The following SPON1 variants were observed in gnomAD, a reference collection of about 807,000 sequenced individuals.
SPON1 encodes the protein spondin-1.
Under a neutral mutation model 111.7 loss-of-function variants are expected in SPON1, and 52 were observed. The observed-to-expected ratio is 0.47, with a 90% CI of 0.37 to 0.59. The LOEUF is 0.59. SPON1 is among the 20% of genes least tolerant of loss of function. The pLI is 0.00. For missense variants in SPON1, 957 were observed against 1,068.5 expected (o/e 0.90, Z 1.46); for synonymous variants, 410 against 395.8 (o/e 1.04, Z -0.43).
At position 14,113,568 on chromosome 11, in the gene SPON1, ATTT is replaced by A. The variant is rs782780924; in HGVS notation, c.677-21802_677-21800del. 3.7e-4 allele frequency among the ~76,000 whole-genome samples: 28 copies of A among 74,734 alleles called. 3 individuals carry two copies. Among genetic ancestry groups the A allele is most frequent in the African/African-American group, 1.4e-3 (27 of 18,774 alleles). 49.0% of individuals were successfully genotyped at this position (74,734 alleles called of 152,430 possible). A position where few individuals can be genotyped will look rare whatever the true frequency, so the allele number is the denominator to read the frequency against. ...AAGTCACCTCCTATGTACTTTTTAAATTTTTTTTTTTTTTTTTTTTTTTTTTTT... is the reference window on the plus strand; with the variant it reads ...AAGTCACCTCCTATGTACTTTTTAAATTTTTTTTTTTTTTTTTTTTTTTTT... On this transcript the variant is annotated intron_variant, in intron 5 of 15. Coordinates refer to ENST00000576479, the MANE Select transcript of SPON1 (RefSeq NM_006108.4).
chr11:14,012,789 G>A (rs1848415977), intron 2 of SPON1, among the ~76,000 whole-genome samples: 1 of 151,978 alleles, frequency 6.6e-6, no homozygotes, highest in Non-Finnish European at 1.5e-5. Flanking sequence ...GTCCTTTGAG[G>A]ACAAAGCATG....
At chr11:14,023,938 G>T (rs1554915001) in intron 2 of SPON1, among the ~76,000 whole-genome samples, 1 of 151,502 alleles carries the variant, frequency 6.6e-6, no homozygotes. Flanking sequence ...GGAGGCCGAG[G>T]TTGGAGTGAG....
intron 3 of SPON1, among the ~76,000 whole-genome samples, chr11:14,052,231 G>A (rs1226507651): frequency 6.6e-6 from 1 of 152,234 alleles, no homozygotes; most frequent in African/African-American, 2.4e-5. Context: ...TTGTTAGTGG[G>A]AAGAGAGGAT....
At chr11:14,076,685 T>C (rs1471463295) in intron 4 of SPON1, among the ~76,000 whole-genome samples, 2 of 152,212 alleles carry the variant, frequency 1.3e-5, no homozygotes, top group African/African-American at 4.8e-5. Context: ...GTTCTTATCA[T>C]TGCCTTTGAC....
In SPON1 at chr11:14,033,607, G is replaced by A. The variant is rs542148346; in HGVS notation, c.346-7914G>A. The stretch of plus-strand genomic sequence containing the variant: ...CCTCAGAGTAAAGATGGGTCATGAT[G>A]TAGGTTTCAAAATGGGTATGGCATG... On this transcript the variant is annotated intron_variant, in intron 2 of 15. Transcript: ENST00000576479. 1.3e-4 allele frequency among the ~76,000 whole-genome samples: 20 copies of A among 152,314 alleles called. 1 individual carries two copies. In the South Asian group the frequency reaches 1.5e-3, roughly 11 times the overall value.
intron 6 of SPON1, among the ~76,000 whole-genome samples, chr11:14,183,807 T>C (rs1848259675): frequency 6.6e-6 from 1 of 152,160 alleles, no homozygotes; most frequent in South Asian, 2.1e-4. Flanking sequence ...CCCCTTCTCT[T>C]AGCTCCTCTG....
intron 5 of SPON1, among the ~76,000 whole-genome samples, chr11:14,085,134 A>G (rs1476896804): frequency 1.3e-5 from 2 of 152,040 alleles, no homozygotes; most frequent in African/African-American, 4.8e-5. Context: ...GCTGTGATGA[A>G]GCTCTTTAGT....
intron 1 of SPON1, among the ~76,000 whole-genome samples, chr11:13,979,117 A>G (rs1848124763): frequency 6.6e-6 from 1 of 152,180 alleles, no homozygotes; most frequent in Non-Finnish European, 1.5e-5. Context: ...AAGGTATCCG[A>G]CGGTGTTTTC....
At chr11:14,001,230 T>A (rs889961913) in intron 2 of SPON1, among the ~76,000 whole-genome samples, 2 of 152,188 alleles carry the variant, frequency 1.3e-5, no homozygotes, top group East Asian at 3.9e-4. Context: ...AGCTACAGGC[T>A]GAGTGTAGAC....
chr11:14,223,172 C>T (rs1848699816), intron 6 of SPON1, among the ~76,000 whole-genome samples: 1 of 152,180 alleles, frequency 6.6e-6, no homozygotes, highest in Non-Finnish European at 1.5e-5. Flanking sequence ...CGAGACCAGC[C>T]TGCCCAACAT....
intron 6 of SPON1, among the ~76,000 whole-genome samples, chr11:14,200,814 TAAAA>T (rs572814576): frequency 8.8e-5 from 7 of 79,346 alleles, no homozygotes; most frequent in Non-Finnish European, 1.4e-4. Flanking sequence ...GACCCTGTCT[TAAAA>T]AAAAAAAAAA....
chr11:14,147,263 A>C (rs1847732517), intron 6 of SPON1, among the ~76,000 whole-genome samples: 1 of 151,152 alleles, frequency 6.6e-6, no homozygotes, highest in Non-Finnish European at 1.5e-5. Flanking sequence ...CAAACTCCTG[A>C]CCTCAGGTGA....
intron 1 of SPON1, among the ~76,000 whole-genome samples, chr11:13,975,761 A>G (rs782174028): frequency 6.6e-6 from 1 of 152,210 alleles, no homozygotes; most frequent in Non-Finnish European, 1.5e-5. Flanking sequence ...CAATCCTTCC[A>G]GTGGTCCTTC....
chr11:14,237,742 C>T (rs1322907194), intron 6 of SPON1, among the ~76,000 whole-genome samples: 1 of 152,244 alleles, frequency 6.6e-6, no homozygotes, highest in Non-Finnish European at 1.5e-5. Flanking sequence ...GCCTTCCCGG[C>T]TTCATCAAAC....
intron 3 of SPON1, among the ~76,000 whole-genome samples, chr11:14,049,043 G>A (rs1276180391): frequency 1.3e-5 from 2 of 152,172 alleles, no homozygotes; most frequent in African/African-American, 4.8e-5. Flanking sequence ...CATCCTCATA[G>A]CAACCCTATG....
intron 1 of SPON1, among the ~76,000 whole-genome samples, chr11:13,976,943 T>A (rs1848107849): frequency 6.6e-6 from 1 of 152,202 alleles, no homozygotes. Flanking sequence ...TATATATAAA[T>A]GTAATCATAC....
intron 6 of SPON1, among the ~76,000 whole-genome samples, chr11:14,176,800 A>C (rs1172375923): frequency 6.6e-6 from 1 of 152,176 alleles, no homozygotes; most frequent in Non-Finnish European, 1.5e-5. Context: ...TCCATCCATA[A>C]AAGGGGTGCC....
intron 6 of SPON1, among the ~76,000 whole-genome samples, chr11:14,161,084 TTA>T (rs1243261315): frequency 0.018 from 536 of 29,488 alleles, 79 homozygotes; most frequent in African/African-American, 0.061. Context: ...TTTTATATAT[TTA>T]TATATATCTA....
intron 6 of SPON1, among the ~76,000 whole-genome samples, chr11:14,179,789 T>G (rs1848218451): frequency 6.6e-6 from 1 of 152,026 alleles, no homozygotes; most frequent in Admixed American, 6.5e-5. Flanking sequence ...CTTCTCGCAG[T>G]AGCACTTAAA....
Sources: allele counts gnomAD v4.1 joint callset (sites outside exome capture counted in the v4.1 genomes callset), GRCh38; gene constraint gnomAD v4.1.1; transcripts MANE v1.5; gene names NCBI Gene and HGNC (gene_info 2026-07-23, HGNC 2026-07-21).